GRM6: variants seen among roughly 807,000 people sequenced by gnomAD.
GRM6 encodes glutamate metabotropic receptor 6.
A neutral mutation model predicts 78.4 loss-of-function variants in GRM6; 73 were observed. The observed-to-expected ratio is 0.93, with a 90% confidence interval of 0.77 to 1.13. The LOEUF (loss-of-function observed/expected upper bound fraction) is 1.13. Among genes scored for constraint, GRM6 ranks in the 50% most tolerant of loss-of-function variants. GRM6 has a pLI of 0.00. For missense variants in GRM6, 1,251 were observed against 1,256.4 expected (o/e 1.00, Z 0.07); for synonymous variants, 580 against 555.0 (o/e 1.05, Z -0.63).
intron 10 of GRM6, among the ~76,000 whole-genome samples, chr5:178,982,513 C>T (rs1760414048): frequency 7.9e-6 from 1 of 127,130 alleles, no homozygotes; most frequent in Admixed American, 1.0e-4. Context: ...GGAGGCGGAG[C>T]TTGCAGTGAG....
rs1760687563 is a variant in GRM6, at chr5:178,992,072, G to T, written c.516C>A (p.Ile172=). ...GCTCCGGGGCTGTGGAGGCATAGCT[G>T]ATCTGGGGTATCTGTGGGGCAGGAA... ...NVLRLFAIPQ[I]SYASTAPELS... The change falls in exon 3 of 11, where the codon ATC becomes ATA. Residue 172 remains isoleucine, a synonymous_variant. Coordinates refer to ENST00000517717, the MANE Select transcript of GRM6 (RefSeq NM_000843.4). The surrounding 1 kb of genome is among the most constrained non-coding windows in gnomAD (Gnocchi z 4.9). 1 of 1,612,444 alleles carries T rather than the reference G, an allele frequency of 6.2e-7. No homozygotes were observed.
chr5:178,984,225 C>T (rs1471489589), intron 9 of GRM6, among the ~76,000 whole-genome samples: 1 of 152,046 alleles, frequency 6.6e-6, no homozygotes, highest in African/African-American at 2.4e-5. Context: ...AAGCCCAGGG[C>T]TGCACAGCGG....
chr5:178,989,035 C>A lies in GRM6; in HGVS notation c.1254G>T (p.Met418Ile), dbSNP rs751796601. Residue 418 changes from methionine (M) to isoleucine (I), a missense_variant, in exon 7 of 11, where the codon ATG becomes ATT. By Grantham distance (10) the Met-to-Ile change is conservative (BLOSUM62 1). Transcript: ENST00000517717. ...VYAIAHALHS[M>I]HQALCPGHTG... ...TGTGCCCAGGGCAGAGCGCCTGGTG[C>A]ATGCTGTGGAGGGCGTGGGCAATGG... 1 of 1,614,042 alleles carries A rather than the reference C, an allele frequency of 6.2e-7. No homozygotes were observed. Among genetic ancestry groups the A allele is most frequent in the Non-Finnish European group, 8.5e-7 (1 of 1,179,932 alleles).
At chr5:178,983,520 T>C (rs2113316590) in intron 9 of GRM6, 4 of 600,342 alleles carry the variant, frequency 6.7e-6, no homozygotes, top group South Asian at 6.2e-5. Flanking sequence ...CAGCTTGGTG[T>C]CCTCTTCCTG....
intron 5 of GRM6, chr5:178,990,174 C>A: frequency 3.7e-6 from 1 of 269,458 alleles, no homozygotes; most frequent in Non-Finnish European, 7.3e-6. Flanking sequence ...TAAAGTGAGC[C>A]ATCTGTTCCT....
chr5:178,985,402 CT>C (rs1760492287), intron 9 of GRM6: 4 of 329,120 alleles, frequency 1.2e-5, no homozygotes, highest in South Asian at 6.3e-5. Flanking sequence ...TTCCTGTGGC[CT>C]TAAAAAAAAA....
In GRM6 at chr5:178,985,718, A is replaced by AAAAC. The variant is rs754279924; in HGVS notation, c.2124+411_2124+412insGTTT. The AAAAC allele has an allele frequency of 6.6e-3, 2,761 of 420,864 alleles. 107 individuals are homozygous for AAAAC. Among genetic ancestry groups the AAAAC allele is most frequent in the African/African-American group, 0.054 (2,526 of 46,796 alleles). The allele number at this position is 420,864 out of a possible 1,614,324, so 26.1% of individuals were successfully genotyped here. ...ACTCTGTCTAAAAAAAAAAAAACAAAACAACACAGGAACCAAAATAGAAAA... is the reference window on the plus strand; with the variant it reads ...ACTCTGTCTAAAAAAAAAAAAACAAAAAACACAACACAGGAACCAAAATAGAAAA... On this transcript the variant is annotated intron_variant, in intron 9 of 10. Coordinates refer to ENST00000517717, the MANE Select transcript of GRM6 (RefSeq NM_000843.4).
chr5:178,994,998 C>G (rs1262814680), intron 1 of GRM6, 38 bp from the exon 2 acceptor site: 1 of 999,384 alleles, frequency 1.0e-6, no homozygotes, highest in East Asian at 5.2e-5. Context: ...GCTCTGAGGG[C>G]GGGGGAAGGA....
At chr5:178,985,499 C>T (rs187486931) in intron 9 of GRM6, 9,485 of 342,834 alleles carry the variant, frequency 0.028, 175 homozygotes, top group Middle Eastern at 0.04. Context: ...GTCAGGAGAT[C>T]GAGACCATCC....
chr5:178,983,813 C>T (rs1050702528), intron 9 of GRM6, among the ~76,000 whole-genome samples: 2 of 152,168 alleles, frequency 1.3e-5, no homozygotes, highest in Non-Finnish European at 2.9e-5. Flanking sequence ...CAACCTCAAG[C>T]CAAGGAAAGC....
At chr5:178,993,583 A>G (rs1181850217) in intron 2 of GRM6, among the ~76,000 whole-genome samples, 4 of 152,154 alleles carry the variant, frequency 2.6e-5, no homozygotes, top group Non-Finnish European at 5.9e-5. Context: ...TCCTAGGTAG[A>G]TGGAAGCCAG....
intron 9 of GRM6, chr5:178,985,356 A>G: frequency 9.4e-6 from 4 of 424,280 alleles, no homozygotes; most frequent in South Asian, 6.7e-5. Flanking sequence ...TGGCGGCCCT[A>G]ACTGAGCTGC....
intron 4 of GRM6, among the ~76,000 whole-genome samples, chr5:178,990,991 A>G (rs1157431374): frequency 1.3e-5 from 2 of 152,006 alleles, no homozygotes; most frequent in Admixed American, 6.5e-5. Flanking sequence ...TCCTTGGGGG[A>G]AAATCCAGTT....
At chr5:178,994,356 G>A in intron 2 of GRM6, 85 bp downstream of exon 2, 1 of 1,172,512 alleles carries the variant, frequency 8.5e-7, no homozygotes, top group South Asian at 1.6e-5. Flanking sequence ...TCTTTCAGAA[G>A]AAGTAAAGGA....
chr5:178,988,838 A>T lies in GRM6; in HGVS notation c.1354+97T>A. 1 of 993,438 alleles carries T rather than the reference A, an allele frequency of 1.0e-6. No homozygotes were observed. The highest frequency in any genetic ancestry group is 1.6e-6 in the Non-Finnish European group (1 of 644,242). 61.5% of individuals were successfully genotyped at this position (993,438 alleles called of 1,614,324 possible). The stretch of plus-strand genomic sequence containing the variant: ...CACCCCCATTAGACCACTCAGCCTC[A>T]CCCAGCCCTTCCACCCTGAGGTTGT... On this transcript the variant is annotated intron_variant, in intron 7 of 10. Coordinates refer to ENST00000517717, the MANE Select transcript of GRM6 (RefSeq NM_000843.4). The surrounding 1 kb of genome is among the most constrained non-coding windows in gnomAD (Gnocchi z 6.0).
Position 178,989,095 on chromosome 5 carries a change from C to T in GRM6, c.1194G>A (p.Glu398=), listed in dbSNP as rs1246464744. ...CATCAATCACAAACTGCACCTTGCCCTCCTGCTCGTAGGTGGAGTCCCGGC... is the reference window on the plus strand; with the variant it reads ...CATCAATCACAAACTGCACCTTGCCTTCCTGCTCGTAGGTGGAGTCCCGGC... ...RIGRDSTYEQ[E]GKVQFVIDAV... Residue 398 remains glutamate, a synonymous_variant, in exon 7 of 11, where the codon GAG becomes GAA. Transcript: ENST00000517717. The T allele has an allele frequency of 1.2e-6, 2 of 1,613,972 alleles. No individual in the cohort carries two copies. Among genetic ancestry groups the T allele is most frequent in the Non-Finnish European group, 1.7e-6 (2 of 1,179,992 alleles).
chr5:178,992,062 A>G lies in GRM6; in HGVS notation c.526T>C (p.Ser176Pro). Reference sequence around the variant, plus strand: ...GAGTCGCTGAGCTCCGGGGCTGTGGAGGCATAGCTGATCTGGGGTATCTGT... The same window carrying G: ...GAGTCGCTGAGCTCCGGGGCTGTGGGGGCATAGCTGATCTGGGGTATCTGT... ...LFAIPQISYASTAPELSDSTR... is the reference protein window; with the variant it reads ...LFAIPQISYAPTAPELSDSTR... Residue 176 changes from serine (S) to proline (P), a missense_variant, in exon 3 of 11, where the codon TCC (serine) becomes CCC (proline). Transcript: ENST00000517717. This position sits in a 1 kb window ranked among gnomAD's most constrained non-coding sequence, Gnocchi z 4.9. The G allele has an allele frequency of 3.1e-6, 5 of 1,613,630 alleles. No individual in the cohort carries two copies. The highest frequency in any genetic ancestry group is 4.2e-6 in the Non-Finnish European group (5 of 1,179,752).
rs561581872 is a variant in GRM6, at chr5:178,990,625, T to C, written c.979A>G (p.Ile327Val). ...GAGGCCCTTTTGGGCAGGATGGTGA[T>C]GGCCCCAACGGCCACGTCCTCCAGG... ...LSLEDVAVGAITILPKRASID... is the reference protein window; with the variant it reads ...LSLEDVAVGAVTILPKRASID... Residue 327 changes from isoleucine (I) to valine (V), a missense_variant, in exon 5 of 11, where the codon ATC becomes GTC. Ile to Val is a conservative substitution (Grantham distance 29). Transcript: ENST00000517717. 5.0e-6 allele frequency: 8 copies of C among 1,613,082 alleles called. No individual in the cohort carries two copies. The African/African-American group carries it at 1.1e-4, about 21-fold the overall frequency.
At position 178,994,764 on chromosome 5, in the gene GRM6, T is replaced by C; in HGVS notation, c.181A>G (p.Lys61Glu). The C allele has an allele frequency of 7.2e-7, 1 of 1,396,656 alleles. No homozygotes were observed. Among genetic ancestry groups the C allele is most frequent in the Non-Finnish European group, 9.3e-7 (1 of 1,069,630 alleles). The allele number at this position is 1,396,656 out of a possible 1,614,324, so 86.5% of individuals were successfully genotyped here. Reference sequence around the variant, plus strand: ...AGCCGGTGCACGCCCTGCTCCTTCTTCAGCTGCCCGCACGCCCGGCCCGCC... The same window carrying C: ...AGCCGGTGCACGCCCTGCTCCTTCTCCAGCTGCCCGCACGCCCGGCCCGCC... ...GAAGRACGQLKKEQGVHRLEA... is the reference protein window; with the variant it reads ...GAAGRACGQLEKEQGVHRLEA... The change falls in exon 2 of 11, where the codon AAG (lysine) becomes GAG (glutamate). Residue 61 changes from lysine (K) to glutamate (E), a missense_variant. Transcript: ENST00000517717.
Sources: gnomAD v4.1 joint callset for allele counts (sites outside exome capture counted in the v4.1 genomes callset) on GRCh38, gnomAD v4.1.1 for gene constraint, Gnocchi (gnomAD v3.1) non-coding constraint, MANE v1.5 for transcripts, NCBI Gene and HGNC (gene_info 2026-07-23, HGNC 2026-07-21) for gene names.